The following RIN3 variants were observed in gnomAD, a reference collection of about 807,000 sequenced individuals.
RIN3 encodes RAB5 interacting protein 3.
RIN3 carries 54 observed loss-of-function variants against 76.3 expected under a neutral mutation model. The ratio of observed to expected loss-of-function variants is 0.71; its 90% CI spans 0.57 to 0.89. RIN3 has a LOEUF of 0.89. Ranked by LOEUF, RIN3 falls within the 40% of genes least tolerant of loss-of-function variation. RIN3 has a pLI of 0.00. For synonymous variants in RIN3, 576 were observed against 564.0 expected (o/e 1.02, Z -0.30); for missense variants, 1,256 against 1,322.1 (o/e 0.95, Z 0.78).
At chr14:92,642,651 A>G (rs1340773524) in intron 5 of RIN3, among the ~76,000 whole-genome samples, 1 of 152,206 alleles carries the variant, frequency 6.6e-6, no homozygotes, top group Non-Finnish European at 1.5e-5. Context: ...GGGCAGAACC[A>G]GATCACAGAG....
chr14:92,597,851 C>T (rs1172406619), intron 3 of RIN3, among the ~76,000 whole-genome samples: 1 of 152,178 alleles, frequency 6.6e-6, no homozygotes, highest in Admixed American at 6.5e-5. Flanking sequence ...TTTACTGAGA[C>T]TTTGCTGGGT....
chr14:92,673,417 G>A (rs1177143328), intron 7 of RIN3, among the ~76,000 whole-genome samples: 3 of 151,946 alleles, frequency 2.0e-5, no homozygotes, highest in African/African-American at 7.3e-5. Context: ...GGAACTTTGG[G>A]CTCATGTGAC....
chr14:92,577,464 G>A lies in RIN3; in HGVS notation c.354G>A (p.Lys118=), dbSNP rs1423905779. 2 of 1,610,814 alleles carry A rather than the reference G, an allele frequency of 1.2e-6. No homozygotes were observed. Among genetic ancestry groups the A allele is most frequent in the Non-Finnish European group, 1.7e-6 (2 of 1,177,564 alleles). ...CCGAGGTGCTCGAATACACCATTAA[G>A]GAAGAAAAGTCGAGTAAGTACCCAT... ...SSAEVLEYTI[K]EEKSILYLEG... The change falls in exon 3 of 10, where the codon AAG becomes AAA. Residue 118 remains lysine (K), a synonymous_variant. Coordinates refer to ENST00000216487, the MANE Select transcript of RIN3 (RefSeq NM_024832.5).
chr14:92,576,197 G>A, intron 2 of RIN3: 1 of 1,245,050 alleles, frequency 8.0e-7, no homozygotes, highest in Non-Finnish European at 1.0e-6. Flanking sequence ...CTGCCAAGGA[G>A]GGATGAGCTT....
At chr14:92,671,140 A>T (rs1034043180) in intron 7 of RIN3, among the ~76,000 whole-genome samples, 5 of 152,164 alleles carry the variant, frequency 3.3e-5, no homozygotes, top group African/African-American at 1.2e-4. Context: ...AGAGAGGGTT[A>T]GTGACTCACT....
chr14:92,613,325 A>G (rs1595456190), intron 3 of RIN3, among the ~76,000 whole-genome samples: 1 of 152,152 alleles, frequency 6.6e-6, no homozygotes, highest in East Asian at 1.9e-4. Context: ...GTGAATTCCA[A>G]CACCACCAGC....
intron 3 of RIN3, among the ~76,000 whole-genome samples, chr14:92,605,046 G>A (rs1421309997): frequency 2.0e-5 from 3 of 150,502 alleles, no homozygotes; most frequent in Non-Finnish European, 4.4e-5. Flanking sequence ...AGGTAGCTGG[G>A]ACTGCAGATG....
intron 7 of RIN3, among the ~76,000 whole-genome samples, chr14:92,669,927 A>T (rs536879452): frequency 6.6e-6 from 1 of 151,924 alleles, no homozygotes; most frequent in Non-Finnish European, 1.5e-5. Context: ...ATGCTTCCTC[A>T]CCCTGTCACT....
chr14:92,661,644 A>G (rs566448042), intron 7 of RIN3, among the ~76,000 whole-genome samples: 138 of 151,866 alleles, frequency 9.1e-4, no homozygotes, highest in African/African-American at 2.4e-3. Context: ...GAATCACTTG[A>G]ACCCGGGAGG....
Position 92,652,747 on chromosome 14 carries a change from C to T in RIN3, c.1698C>T (p.Ser566=), listed in dbSNP as rs758158932. Reference sequence around the variant, plus strand: ...AGCTGGAGCAGTTCAGCAGCCCCAGCGTGAAGAAGAAGCCCTCCATGATCC... The same window carrying T: ...AGCTGGAGCAGTTCAGCAGCCCCAGTGTGAAGAAGAAGCCCTCCATGATCC... The part of the protein sequence containing the change: ...EEELEQFSSP[S]VKKKPSMILG... The change falls in exon 6 of 10, where the codon AGC becomes AGT. Residue 566 remains serine (S), a synonymous_variant. Coordinates refer to ENST00000216487, the MANE Select transcript of RIN3 (RefSeq NM_024832.5). The surrounding 1 kb of genome is among the most constrained non-coding windows in gnomAD (Gnocchi z 6.4). 24 of 1,613,762 alleles carry T rather than the reference C, an allele frequency of 1.5e-5. No individual in the cohort carries two copies. The South Asian group carries it at 1.6e-4, about 11-fold the overall frequency.
intron 8 of RIN3, among the ~76,000 whole-genome samples, chr14:92,680,996 G>A (rs574014830): frequency 6.6e-6 from 1 of 152,180 alleles, no homozygotes; most frequent in African/African-American, 2.4e-5. Flanking sequence ...TCATGGGACA[G>A]ACAGGTGACC....
At chr14:92,592,992 C>A (rs1287598288) in intron 3 of RIN3, among the ~76,000 whole-genome samples, 1 of 149,838 alleles carries the variant, frequency 6.7e-6, no homozygotes, top group African/African-American at 2.5e-5. Flanking sequence ...TTTTTTTTTT[C>A]CTGAATATTT....
intron 1 of RIN3, among the ~76,000 whole-genome samples, chr14:92,550,736 C>T (rs535082175): frequency 6.6e-6 from 1 of 152,314 alleles, no homozygotes; most frequent in African/African-American, 2.4e-5. Flanking sequence ...TATGTTTTCA[C>T]AGGTGATTAA....
intron 7 of RIN3, among the ~76,000 whole-genome samples, chr14:92,666,945 G>A (rs936335090): frequency 2.0e-5 from 3 of 152,200 alleles, no homozygotes; most frequent in Non-Finnish European, 4.4e-5. Context: ...AACCCCAGGG[G>A]GATGGAGCAC....
At chr14:92,632,531 T>C (rs1052572145) in intron 4 of RIN3, among the ~76,000 whole-genome samples, 18 of 152,216 alleles carry the variant, frequency 1.2e-4, no homozygotes, top group Non-Finnish European at 2.6e-4. Flanking sequence ...CATGTTCTTA[T>C]TGCTGTTATA....
At chr14:92,580,472 CA>C (rs1898401347) in intron 3 of RIN3, among the ~76,000 whole-genome samples, 1 of 152,232 alleles carries the variant, frequency 6.6e-6, no homozygotes, top group Admixed American at 6.5e-5. Flanking sequence ...GAGCTCACTT[CA>C]GATGGAGGGA....
At chr14:92,661,726 C>CACACACACACACACAA in intron 7 of RIN3, among the ~76,000 whole-genome samples, 1 of 121,118 alleles carries the variant, frequency 8.3e-6, no homozygotes, top group African/African-American at 3.1e-5. Context: ...GACTCTGTCA[C>CACACACACACACACAA]ACACACACAC....
chr14:92,649,875 T>TG (rs1329308933), intron 5 of RIN3, among the ~76,000 whole-genome samples: 1 of 152,150 alleles, frequency 6.6e-6, no homozygotes, highest in African/African-American at 2.4e-5. Context: ...AGGACAGGGC[T>TG]GGGGGGTGCA....
intron 3 of RIN3, among the ~76,000 whole-genome samples, chr14:92,594,147 A>G (rs1181905536): frequency 6.6e-6 from 1 of 151,980 alleles, no homozygotes; most frequent in Non-Finnish European, 1.5e-5. Context: ...AAGGCTTGCA[A>G]TCAGGCCAGG....
Sources: allele counts gnomAD v4.1 joint callset (sites outside exome capture counted in the v4.1 genomes callset), GRCh38; gene constraint gnomAD v4.1.1; non-coding constraint Gnocchi (gnomAD v3.1); transcripts MANE v1.5; gene names NCBI Gene and HGNC (gene_info 2026-07-23, HGNC 2026-07-21).